Variants in TNN observed in about 807,000 individuals in gnomAD.
TNN encodes the protein tenascin N.
TNN carries 122 observed loss-of-function variants against 134.4 expected under a neutral mutation model. That is an observed-to-expected ratio of 0.91 (90% confidence interval 0.78 to 1.06). TNN has a LOEUF of 1.06. Ranked by LOEUF, TNN falls within the 50% of genes least tolerant of loss-of-function variation. The probability of loss-of-function intolerance (pLI) is 0.00; values close to 1 mark genes in which losing one functional copy is unlikely to be tolerated. For missense variants in TNN, 1,739 were observed against 1,699.4 expected (o/e 1.02, Z -0.41); for synonymous variants, 710 against 670.3 (o/e 1.06, Z -0.91).
At chr1:175,073,918 C>T (rs555371393) in intron 1 of TNN, among the ~76,000 whole-genome samples, 1 of 152,328 alleles carries the variant, frequency 6.6e-6, no homozygotes, top group Non-Finnish European at 1.5e-5. Flanking sequence ...GGTGGACCTG[C>T]ACCTCAGCTC....
intron 6 of TNN, among the ~76,000 whole-genome samples, chr1:175,086,418 C>A (rs17374668): frequency 0.16 from 23,683 of 152,138 alleles, 1,978 homozygotes; most frequent in Non-Finnish European, 0.19. Flanking sequence ...AGTTTTTAAA[C>A]CATGCTTGAG....
intron 9 of TNN, among the ~76,000 whole-genome samples, chr1:175,114,729 AC>A (rs1675117796): frequency 6.9e-6 from 1 of 143,966 alleles, no homozygotes. Context: ...CCGTGGTTTA[AC>A]TTGGAGGAAG....
chr1:175,144,520 T>A lies in TNN; in HGVS notation c.3729T>A (p.Asn1243Lys). The A allele has an allele frequency of 1.2e-6, 2 of 1,614,236 alleles. No homozygotes were observed. The highest frequency in any genetic ancestry group is 1.7e-6 in the Non-Finnish European group (2 of 1,180,044). The change falls in exon 18 of 19, where the codon AAT becomes AAA. Residue 1243 changes from asparagine (N) to lysine (K), a missense_variant. Physicochemically the swap from Asn to Lys is moderately conservative, Grantham distance 94 (BLOSUM62 0). Transcript: ENST00000239462. ...AGAACTGCCACTTGGCCAACCCTAA[T>A]GGCAGATATGGGGAGACCAAGCACA... is the stretch of plus-strand genomic sequence containing the variant. ...WYKNCHLANP[N>K]GRYGETKHSE...
At position 175,123,561 on chromosome 1, in the gene TNN, A is replaced by C. The variant is rs1350345143; in HGVS notation, c.2812A>C (p.Thr938Pro). The C allele has an allele frequency of 1.2e-6, 2 of 1,613,906 alleles. No individual in the cohort carries two copies. Among genetic ancestry groups the C allele is most frequent in the African/African-American group, 1.3e-5 (1 of 74,914 alleles). The change falls in exon 12 of 19, where the codon ACT becomes CCT. Residue 938 changes from threonine (T) to proline (P), a missense_variant. Transcript: ENST00000239462. ...EVPVGKEHSS[T>P]VLTGLRPGME... is the part of the protein sequence containing the mutation. ...TCCGGTGGGGAAGGAGCACAGCAGCACTGTCCTGACGGGCCTGAGACCAGG... is the reference window on the plus strand; with the variant it reads ...TCCGGTGGGGAAGGAGCACAGCAGCCCTGTCCTGACGGGCCTGAGACCAGG...
intron 6 of TNN, among the ~76,000 whole-genome samples, chr1:175,086,957 A>G (rs889689918): frequency 6.6e-6 from 1 of 152,180 alleles, no homozygotes; most frequent in African/African-American, 2.4e-5. Flanking sequence ...CAGCAATCCA[A>G]TGAAGTAGAT....
intron 11 of TNN, among the ~76,000 whole-genome samples, chr1:175,120,511 G>T (rs1184089488): frequency 2.6e-5 from 4 of 152,216 alleles, no homozygotes; most frequent in African/African-American, 7.2e-5. Context: ...GGCTTCTTCT[G>T]TGATTGTTGC....
At chr1:175,088,238 A>G (rs1341807142) in intron 6 of TNN, among the ~76,000 whole-genome samples, 2 of 152,036 alleles carry the variant, frequency 1.3e-5, no homozygotes, top group Non-Finnish European at 2.9e-5. Context: ...CTCTAATCAC[A>G]ATGTTGGTTC....
intron 1 of TNN, among the ~76,000 whole-genome samples, chr1:175,075,755 C>G (rs1674024861): frequency 6.6e-6 from 1 of 152,204 alleles, no homozygotes; most frequent in African/African-American, 2.4e-5. Context: ...GACGCGCTGT[C>G]ATTCCCACGT....
rs1558356582 is a variant in TNN at position 175,098,483 on chromosome 1, G to A, written c.2007G>A (p.Glu669=). ...GETREVPVGK[E]QSSTVLTGLR... is the part of the protein sequence containing the mutation. ...CCAGGGAGGTTCCGGTGGGGAAGGA[G>A]CAGAGCAGCACAGTCCTGACAGGCC... The change falls in exon 9 of 19, where the codon GAG becomes GAA. Residue 669 remains glutamate (E), a synonymous_variant. Coordinates refer to ENST00000239462, the MANE Select transcript of TNN (RefSeq NM_022093.2). 1 of 1,614,178 alleles carries A rather than the reference G, an allele frequency of 6.2e-7. No individual in the cohort carries two copies. Among genetic ancestry groups the A allele is most frequent in the African/African-American group, 1.3e-5 (1 of 75,030 alleles).
At chr1:175,099,612 AGGAGGAGGAGAGGTGAG>A (rs1297828500) in intron 9 of TNN, among the ~76,000 whole-genome samples, 2 of 101,170 alleles carry the variant, frequency 2.0e-5, no homozygotes, top group East Asian at 4.8e-4. Context: ...GTGAGGGGTC[AGGAGGAGGAGAGGTGAG>A]GGGTCAGGAG....
rs1674634075 is a variant in TNN at position 175,098,535 on chromosome 1, C to G, written c.2059C>G (p.His687Asp). 1 of 1,613,986 alleles carries G rather than the reference C, an allele frequency of 6.2e-7. No homozygotes were observed. The highest frequency in any genetic ancestry group is 1.7e-5 in the Admixed American group (1 of 59,994). Residue 687 changes from histidine to aspartate, a missense_variant, in exon 9 of 19, where the codon CAC becomes GAC. By Grantham distance (81) the His-to-Asp change is moderately conservative (BLOSUM62 -1). Coordinates refer to ENST00000239462, the MANE Select transcript of TNN (RefSeq NM_022093.2). ...GLRPGMEYMV[H>D]VWAQKGDQES... is the part of the protein sequence containing the mutation. ...GAGACCGGGTATGGAGTACATGGTG[C>G]ACGTGTGGGCCCAGAAGGGGGACCA...
chr1:175,144,359 T>G (rs954078733), intron 17 of TNN, 28 bp from the exon 18 acceptor site: 1 of 1,608,550 alleles, frequency 6.2e-7, no homozygotes, highest in Non-Finnish European at 8.5e-7. Flanking sequence ...AACCCTGGGC[T>G]CTCGCCTCCG....
At chr1:175,091,838 G>A (rs1674456673) in intron 6 of TNN, among the ~76,000 whole-genome samples, 1 of 152,098 alleles carries the variant, frequency 6.6e-6, no homozygotes, top group Admixed American at 6.6e-5. Context: ...GATCCACCCA[G>A]CTTCACCTCC....
At position 175,077,392 on chromosome 1, in the gene TNN, G is replaced by T. The variant is rs752242389; in HGVS notation, c.-27G>T. On this transcript the variant is annotated 5_prime_UTR_variant, in exon 2 of 19. Coordinates refer to ENST00000239462, the MANE Select transcript of TNN (RefSeq NM_022093.2). Reference sequence around the variant, plus strand: ...AATGTTTCTGAATACAGGCATCCTGGAGGGTCTGCTCCCTGTCTTTCCAAG... The same window carrying T: ...AATGTTTCTGAATACAGGCATCCTGTAGGGTCTGCTCCCTGTCTTTCCAAG... 6.3e-7 allele frequency: 1 copy of T among 1,589,534 alleles called. No homozygotes were observed. Among genetic ancestry groups the T allele is most frequent in the South Asian group, 1.1e-5 (1 of 88,658 alleles).
At chr1:175,136,022 C>T (rs753139054) in intron 16 of TNN, 81 bp downstream of exon 16, 117 of 1,015,736 alleles carry the variant, frequency 1.2e-4, no homozygotes, top group Non-Finnish European at 1.8e-4. Context: ...CTTAGGGAAG[C>T]TCACCACCTT....
intron 17 of TNN, among the ~76,000 whole-genome samples, chr1:175,137,812 C>T (rs1293289601): frequency 6.6e-6 from 1 of 152,146 alleles, no homozygotes; most frequent in East Asian, 1.9e-4. Context: ...AATGTGTTAC[C>T]AGCCAGACTG....
At position 175,128,700 on chromosome 1, in the gene TNN, C is replaced by T; in HGVS notation, c.3284C>T (p.Pro1095Leu). ...TACCTGCATGGCGATGCCAGCCGGC[C>T]CCTGCAGGTGTACTGTGACATGGAA... ...TIYLHGDASR[P>L]LQVYCDMETD... is the part of the protein sequence containing the mutation. The change falls in exon 15 of 19, where the codon CCC becomes CTC. Residue 1095 changes from proline (P) to leucine (L), a missense_variant. By Grantham distance (98) the Pro-to-Leu change is moderately conservative. Coordinates refer to ENST00000239462, the MANE Select transcript of TNN (RefSeq NM_022093.2). 2.5e-6 allele frequency: 4 copies of T among 1,613,978 alleles called. No individual in the cohort carries two copies. Among genetic ancestry groups the T allele is most frequent in the Non-Finnish European group, 3.4e-6 (4 of 1,179,938 alleles).
In TNN at chr1:175,083,761, C is replaced by A; in HGVS notation, c.1060C>A (p.Leu354Ile). 6.2e-7 allele frequency: 1 copy of A among 1,614,102 alleles called. No individual in the cohort carries two copies. The highest frequency in any genetic ancestry group is 8.5e-7 in the Non-Finnish European group (1 of 1,179,980). The change falls in exon 5 of 19, where the codon CTT becomes ATT. Residue 354 changes from leucine to isoleucine, a missense_variant. Leu to Ile is a conservative substitution (Grantham distance 5). Transcript: ENST00000239462. Reference sequence around the variant, plus strand: ...CACCCCTGCCCTAGACCTTGCTGTGCTTGGCACTGCCTGGGTGACAGATGA... The same window carrying A: ...CACCCCTGCCCTAGACCTTGCTGTGATTGGCACTGCCTGGGTGACAGATGA... ...HLLATTDLAV[L>I]GTAWVTDETE... is the part of the protein sequence containing the mutation.
At chr1:175,080,672 T>C (rs951786944) in intron 4 of TNN, among the ~76,000 whole-genome samples, 1 of 152,070 alleles carries the variant, frequency 6.6e-6, no homozygotes, top group Non-Finnish European at 1.5e-5. Flanking sequence ...CTGAGATTAT[T>C]TGGGTCTGCA....
Sources: gnomAD v4.1 joint callset for allele counts (sites outside exome capture counted in the v4.1 genomes callset) on GRCh38, gnomAD v4.1.1 for gene constraint, MANE v1.5 for transcripts, NCBI Gene and HGNC (gene_info 2026-07-23, HGNC 2026-07-21) for gene names.